The following RFX3 variants were observed in gnomAD, a reference collection of about 807,000 sequenced individuals.
RFX3 encodes the protein transcription factor RFX3.
In RFX3, 14 loss-of-function variants were observed where a neutral mutation model predicts 98.6. The ratio of observed to expected loss-of-function variants is 0.14; its 90% confidence interval spans 0.09 to 0.22. The LOEUF is 0.22. RFX3 is among the 10% of genes least tolerant of loss of function. RFX3 has a pLI of 1.00. For missense variants in RFX3, 639 were observed against 926.9 expected (o/e 0.69, Z 4.03); for synonymous variants, 383 against 328.4 (o/e 1.17, Z -1.80).
chr9:3,298,309 A>G (rs1464453351), intron 5 of RFX3, among the ~76,000 whole-genome samples: 1 of 151,886 alleles, frequency 6.6e-6, no homozygotes, highest in African/African-American at 2.4e-5. Flanking sequence ...CTCAGATGGT[A>G]TACCAGAAGA....
At chr9:3,404,001 T>C (rs1157126900) in intron 1 of RFX3, among the ~76,000 whole-genome samples, 1 of 152,154 alleles carries the variant, frequency 6.6e-6, no homozygotes, top group Non-Finnish European at 1.5e-5. Flanking sequence ...ATAGAGTCTT[T>C]TGCAGTTCCT....
At chr9:3,452,149 G>A (rs1001820872) in intron 1 of RFX3, among the ~76,000 whole-genome samples, 2 of 150,334 alleles carry the variant, frequency 1.3e-5, no homozygotes, top group Admixed American at 6.6e-5. Context: ...TAATGCTGAC[G>A]CCCTATCTGA....
chr9:3,326,950 G>A (rs891001793), intron 4 of RFX3, among the ~76,000 whole-genome samples: 3 of 152,100 alleles, frequency 2.0e-5, no homozygotes, highest in Non-Finnish European at 2.9e-5. Flanking sequence ...TTCGGCCACA[G>A]TATATGCTAC....
chr9:3,504,408 A>G (rs1816481942), intron 1 of RFX3, among the ~76,000 whole-genome samples: 1 of 136,956 alleles, frequency 7.3e-6, no homozygotes, highest in Non-Finnish European at 1.5e-5. Flanking sequence ...TATATAAAAT[A>G]TATATTATAT....
chr9:3,293,908 C>T (rs180781303), intron 5 of RFX3, among the ~76,000 whole-genome samples: 1 of 152,228 alleles, frequency 6.6e-6, no homozygotes, highest in Admixed American at 6.5e-5. Context: ...TCATTTATTA[C>T]AACCATTTTA....
intron 7 of RFX3, among the ~76,000 whole-genome samples, chr9:3,282,197 T>C (rs555393768): frequency 1.3e-4 from 19 of 151,916 alleles, no homozygotes; most frequent in African/African-American, 4.6e-4. Flanking sequence ...AACCAAGTGA[T>C]ATAAACGCTA....
chr9:3,441,788 C>G lies in RFX3; in HGVS notation c.-8-46192G>C, dbSNP rs541156435. ...AAAGAACTTATGTAAATACCCACAC[C>G]TCTAGGAGATAGGACATAAAACCCT... On this transcript the variant is annotated intron_variant, in intron 1 of 16. Coordinates refer to ENST00000617270, the MANE Select transcript of RFX3 (RefSeq NM_001282116.2). 7.2e-5 allele frequency among the ~76,000 whole-genome samples: 11 copies of G among 152,206 alleles called. No homozygotes were observed. The South Asian group carries it at 2.1e-3, about 29-fold the overall frequency.
At chr9:3,375,113 C>A (rs887202864) in intron 2 of RFX3, among the ~76,000 whole-genome samples, 2 of 152,202 alleles carry the variant, frequency 1.3e-5, no homozygotes, top group African/African-American at 2.4e-5. Flanking sequence ...AAGCTCTCTA[C>A]AGAGATTCAC....
chr9:3,502,829 T>TGGGAATAATAAGATAGGTG (rs2133681391), intron 1 of RFX3, among the ~76,000 whole-genome samples: 1 of 152,044 alleles, frequency 6.6e-6, no homozygotes, highest in African/African-American at 2.4e-5. Context: ...TAAAAAGCAA[T>TGGGAATAATAAGATAGGTG]GGGAATAATA....
At chr9:3,405,189 G>A (rs527517743) in intron 1 of RFX3, among the ~76,000 whole-genome samples, 10 of 151,530 alleles carry the variant, frequency 6.6e-5, no homozygotes, top group South Asian at 6.2e-4. Context: ...GTTTAATTGC[G>A]TCCCTTTGAA....
intron 1 of RFX3, among the ~76,000 whole-genome samples, chr9:3,451,006 A>C (rs1404932264): frequency 2.0e-5 from 3 of 152,204 alleles, no homozygotes; most frequent in African/African-American, 7.2e-5. Context: ...TCCATGGAGA[A>C]AAAGCTGATT....
At chr9:3,311,798 C>T (rs528351063) in intron 4 of RFX3, among the ~76,000 whole-genome samples, 35 of 152,186 alleles carry the variant, frequency 2.3e-4, no homozygotes, top group Admixed American at 9.2e-4. Flanking sequence ...GCAGGACAAT[C>T]GCTTGAATCT....
Position 3,219,544 on chromosome 9 carries a change from A to T in RFX3, c.*5498T>A, listed in dbSNP as rs1389527752. On this transcript the variant is annotated 3_prime_UTR_variant, in exon 17 of 17. Transcript: ENST00000617270. Reference sequence around the variant, plus strand: ...AACACATTTTTCTTTTTAAAAAAACATATTATCAATTATTTCAAATGAAAG... The same window carrying T: ...AACACATTTTTCTTTTTAAAAAAACTTATTATCAATTATTTCAAATGAAAG... 1.3e-5 allele frequency: 2 copies of T among 152,068 alleles called. No individual in the cohort carries two copies. Among genetic ancestry groups the T allele is most frequent in the African/African-American group, 4.8e-5 (2 of 41,424 alleles). The allele number at this position is 152,068 out of a possible 1,614,324, so 9.4% of individuals were successfully genotyped here. A position where few individuals can be genotyped will look rare whatever the true frequency, so the allele number is the denominator to read the frequency against.
In RFX3 at chr9:3,503,665, TTTTA is replaced by T. The variant is rs139950041; in HGVS notation, c.-9+22078_-9+22081del. Among the ~76,000 whole-genome samples the T allele has an allele frequency of 8.2e-3, 1,255 of 152,246 alleles. 11 individuals carry two copies. Among genetic ancestry groups the T allele is most frequent in the African/African-American group, 0.029 (1,206 of 41,536 alleles). On this transcript the variant is annotated intron_variant, in intron 1 of 16. Coordinates refer to ENST00000617270, the MANE Select transcript of RFX3 (RefSeq NM_001282116.2). ...AAGACAATTTGCCTCCATTAGTAAC[TTTTA>T]TTTAAATAATCTCTCATTTGCCTTT...
At chr9:3,238,624 T>G (rs765539715) in intron 15 of RFX3, among the ~76,000 whole-genome samples, 2 of 152,218 alleles carry the variant, frequency 1.3e-5, no homozygotes, top group African/African-American at 2.4e-5. Flanking sequence ...CCTGACTCAA[T>G]GCTTCTCTTT....
In RFX3 at chr9:3,220,198, G is replaced by A. The variant is rs890185302; in HGVS notation, c.*4844C>T. On this transcript the variant is annotated 3_prime_UTR_variant, in exon 17 of 17. Transcript: ENST00000617270. ...AATTCGCAAACAATATTTTATGAGC[G>A]ATCTAACTCCAAATAGCCTAACTGC... 2 of 152,058 alleles carry A rather than the reference G, an allele frequency of 1.3e-5. No homozygotes were observed. The highest frequency in any genetic ancestry group is 2.4e-5 in the African/African-American group (1 of 41,418). The allele number at this position is 152,058 out of a possible 1,614,324, so 9.4% of individuals were successfully genotyped here.
At chr9:3,335,550 T>C (rs1346830280) in intron 3 of RFX3, among the ~76,000 whole-genome samples, 1 of 152,232 alleles carries the variant, frequency 6.6e-6, no homozygotes, top group East Asian at 1.9e-4. Context: ...TTCTGGACTG[T>C]ACATTCCTGA....
intron 4 of RFX3, among the ~76,000 whole-genome samples, chr9:3,326,598 T>C (rs1203450861): frequency 6.6e-6 from 1 of 152,212 alleles, no homozygotes; most frequent in Non-Finnish European, 1.5e-5. Context: ...TGGTTTTCTG[T>C]TCCTGCATTA....
At chr9:3,303,622 G>T (rs570962836) in intron 4 of RFX3, among the ~76,000 whole-genome samples, 1 of 151,284 alleles carries the variant, frequency 6.6e-6, no homozygotes, top group Non-Finnish European at 1.5e-5. Flanking sequence ...TTTTCAGTTG[G>T]ATAAACCAGC....
Sources: allele counts gnomAD v4.1 joint callset (sites outside exome capture counted in the v4.1 genomes callset), GRCh38; gene constraint gnomAD v4.1.1; transcripts MANE v1.5; gene names NCBI Gene and HGNC (gene_info 2026-07-23, HGNC 2026-07-21).